Variants in SLC25A28 observed in about 807,000 individuals in gnomAD.
SLC25A28 encodes mitoferrin-2.
A neutral mutation model predicts 31.9 loss-of-function variants in SLC25A28; 10 were observed. That is an observed-to-expected ratio of 0.31 (90% CI 0.19 to 0.53). The LOEUF (loss-of-function observed/expected upper bound fraction) is 0.53, where lower values mean the gene tolerates loss of function less well. Among genes scored for constraint, SLC25A28 ranks in the 20% least tolerant of loss-of-function variants. The pLI, the probability that SLC25A28 is intolerant of heterozygous loss-of-function variation, is 0.95. For synonymous variants in SLC25A28, 208 were observed against 203.6 expected (o/e 1.02, Z -0.19); for missense variants, 256 against 490.3 (o/e 0.52, Z 4.51).
upstream of SLC25A28, among the ~76,000 whole-genome samples, chr10:99,622,278 C>T (rs1182180500): frequency 2.0e-5 from 3 of 152,122 alleles, no homozygotes; most frequent in African/African-American, 7.2e-5. Flanking sequence ...TGCAGTGAGC[C>T]GTGTTCATGC....
chr10:99,627,768 A>G, the SLC25A28 span, among the ~76,000 whole-genome samples: 63,146 of 151,866 alleles, frequency 0.42, 13,325 homozygotes, highest in East Asian at 0.55. Flanking sequence ...AAAATGTACA[A>G]TTAAGTTATT....
At chr10:99,618,729 T>C in intron 1 of SLC25A28, 1 of 985,432 alleles carries the variant, frequency 1.0e-6, no homozygotes, top group Non-Finnish European at 1.2e-6. Context: ...TGTGTTAAAA[T>C]ACTCCTGCCA....
the SLC25A28 span, among the ~76,000 whole-genome samples, chr10:99,637,216 A>G: frequency 5.9e-5 from 7 of 118,716 alleles, no homozygotes; most frequent in African/African-American, 2.2e-4. Flanking sequence ...GATGCAGAAA[A>G]GGCATTTGAC....
the SLC25A28 span, among the ~76,000 whole-genome samples, chr10:99,643,931 C>T: frequency 1.3e-5 from 2 of 151,494 alleles, no homozygotes; most frequent in African/African-American, 4.9e-5. Context: ...GTCTGAGAGA[C>T]AGTTTGTTAT....
chr10:99,612,396 T>A (rs1040274413), intron 3 of SLC25A28, 147 bp downstream of exon 3: 28 of 818,472 alleles, frequency 3.4e-5, no homozygotes, highest in Non-Finnish European at 4.9e-5. Context: ...GGGTGCCTCG[T>A]TAGGTACCAA....
intron 1 of SLC25A28, chr10:99,617,901 C>T: frequency 3.7e-6 from 2 of 538,772 alleles, no homozygotes; most frequent in Non-Finnish European, 4.7e-6. Flanking sequence ...TGGAAGGCTA[C>T]AATTGACTTA....
chr10:99,620,800 A>G, upstream of SLC25A28: 1 of 985,484 alleles, frequency 1.0e-6, no homozygotes, highest in Non-Finnish European at 1.2e-6. Context: ...GGCTACAGAA[A>G]GAGCGACGCG....
chr10:99,615,299 C>T (rs1302483596), intron 1 of SLC25A28, among the ~76,000 whole-genome samples: 1 of 149,308 alleles, frequency 6.7e-6, no homozygotes. Context: ...TGTAGTGAGC[C>T]TTCGCTGGTT....
At chr10:99,618,207 T>C in intron 1 of SLC25A28, 1 of 914,318 alleles carries the variant, frequency 1.1e-6, no homozygotes, top group Non-Finnish European at 1.3e-6. Flanking sequence ...ATTTATAAAA[T>C]GTTTATAGCA....
the SLC25A28 span, among the ~76,000 whole-genome samples, chr10:99,657,064 T>G: frequency 1.6e-4 from 25 of 152,366 alleles, no homozygotes; most frequent in Non-Finnish European, 2.4e-4. Flanking sequence ...GATTAAAATG[T>G]AGGTCTTTTC....
chr10:99,617,909 T>A (rs986394315), intron 1 of SLC25A28: 25 of 499,474 alleles, frequency 5.0e-5, no homozygotes, highest in African/African-American at 6.3e-5. Context: ...TACAATTGAC[T>A]TATTCCAGCA....
At chr10:99,652,435 C>CT in the SLC25A28 span, among the ~76,000 whole-genome samples, 4,800 of 151,374 alleles carry the variant, frequency 0.032, 228 homozygotes, top group African/African-American at 0.11. Context: ...GCAAATGCCC[C>CT]TTTTTTTTTG....
At chr10:99,643,453 C>T in the SLC25A28 span, among the ~76,000 whole-genome samples, 1 of 152,130 alleles carries the variant, frequency 6.6e-6, no homozygotes, top group African/African-American at 2.4e-5. Context: ...TGATTCTTCT[C>T]TCTTTTCTTC....
the SLC25A28 span, among the ~76,000 whole-genome samples, chr10:99,634,566 T>C: frequency 6.6e-6 from 1 of 152,196 alleles, no homozygotes; most frequent in African/African-American, 2.4e-5. Context: ...AGACAAGGTC[T>C]TTGAATTAAC....
chr10:99,649,159 A>T, the SLC25A28 span, among the ~76,000 whole-genome samples: 130 of 152,294 alleles, frequency 8.5e-4, 1 homozygote, highest in East Asian at 0.022. Flanking sequence ...GATTTTTATC[A>T]TGAAGGGATG....
rs1370383951 is a variant in SLC25A28, at chr10:99,613,620, A to C, written c.520+76T>G. ...AAAGCTTCAGCTCCAAACCATGCTG[A>C]GACTGGAAAGCACTGACAGCAGCAA... is the stretch of plus-strand genomic sequence containing the variant. On this transcript the variant is annotated intron_variant, in intron 2 of 3. Transcript: ENST00000370495. This position sits in a 1 kb window ranked among gnomAD's most constrained non-coding sequence, Gnocchi z 4.9. 2.5e-6 allele frequency: 4 copies of C among 1,605,128 alleles called. No homozygotes were observed. The highest frequency in any genetic ancestry group is 3.4e-6 in the Non-Finnish European group (4 of 1,175,726).
At chr10:99,649,136 C>T in the SLC25A28 span, among the ~76,000 whole-genome samples, 1 of 152,086 alleles carries the variant, frequency 6.6e-6, no homozygotes, top group Non-Finnish European at 1.5e-5. Context: ...TCTTCTATGC[C>T]TAGTTTATTG....
chr10:99,630,271 G>A, the SLC25A28 span, among the ~76,000 whole-genome samples: 1 of 152,020 alleles, frequency 6.6e-6, no homozygotes, highest in Non-Finnish European at 1.5e-5. Context: ...TGGGATTAAC[G>A]ATGCGCACCA....
chr10:99,632,837 G>C, the SLC25A28 span, among the ~76,000 whole-genome samples: 1 of 152,234 alleles, frequency 6.6e-6, no homozygotes, highest in South Asian at 2.1e-4. Flanking sequence ...TTTGGGACTA[G>C]GTCATATGTG....
Sources: gnomAD v4.1 joint callset for allele counts (sites outside exome capture counted in the v4.1 genomes callset) on GRCh38, gnomAD v4.1.1 for gene constraint, Gnocchi (gnomAD v3.1) non-coding constraint, MANE v1.5 for transcripts, NCBI Gene and HGNC (gene_info 2026-07-23, HGNC 2026-07-21) for gene names.